Variants in MTCL1 observed in about 807,000 individuals in gnomAD.
The protein encoded by MTCL1 is microtubule crosslinking factor 1.
A neutral mutation model predicts 141.4 loss-of-function variants in MTCL1; 79 were observed. That is an observed-to-expected ratio of 0.56 (90% confidence interval 0.47 to 0.67). MTCL1 has a LOEUF of 0.67. MTCL1 is among the 30% of genes least tolerant of loss of function. The probability of loss-of-function intolerance (pLI) is 0.00; values close to 1 mark genes in which losing one functional copy is unlikely to be tolerated. For synonymous variants in MTCL1, 914 were observed against 875.8 expected (o/e 1.04, Z -0.77); for missense variants, 2,177 against 2,113.9 (o/e 1.03, Z -0.59).
At chr18:8,740,800 G>A (rs2096298658) in intron 4 of MTCL1, among the ~76,000 whole-genome samples, 1 of 152,158 alleles carries the variant, frequency 6.6e-6, no homozygotes, top group South Asian at 2.1e-4. Context: ...CTCAATTTTA[G>A]ATTACTCCTT....
exon 10 of MTCL1, chr18:8,798,156 G>C (rs1360901987): frequency 1.1e-5 from 17 of 1,595,948 alleles, no homozygotes; most frequent in African/African-American, 5.4e-5. Flanking sequence ...GGGGTCACCA[G>C]GCGGATGGCC....
chr18:8,729,082 C>T (rs1249612214), intron 4 of MTCL1, among the ~76,000 whole-genome samples: 1 of 151,762 alleles, frequency 6.6e-6, no homozygotes, highest in African/African-American at 2.4e-5. Flanking sequence ...GTCTTGCTGT[C>T]TCCCAGGCTG....
rs770336713 is a variant in MTCL1 at position 8,793,005 on chromosome 18, G to C, written c.1895G>C (p.Gly632Ala). 40 of 1,613,434 alleles carry C rather than the reference G, an allele frequency of 2.5e-5. 1 individual carries two copies. The Middle Eastern group carries it at 5.0e-4, about 20-fold the overall frequency. The change falls in exon 8 of 17, where the codon GGC becomes GCC. Residue 632 changes from glycine to alanine, a missense_variant. Transcript: ENST00000359865. ...CTTTATCCCACCGATCAGCTCAGGG[G>C]CCCCCCCGTTTTACCTGAGCAGAGT... is the stretch of plus-strand genomic sequence containing the variant.
In MTCL1 at chr18:8,829,068, C is replaced by CG; in HGVS notation, c.*18+106dup. The stretch of plus-strand genomic sequence containing the variant: ...CACCTGAGGGAGTTCTGCCCGGTGG[C>CG]GGTACCCTCGCTCACCCCAAGTTCC... On this transcript the variant is annotated intron_variant, in intron 16 of 16. Coordinates refer to ENST00000359865, the Ensembl canonical transcript of MTCL1. The CG allele has an allele frequency of 1.9e-6, 3 of 1,586,358 alleles. No homozygotes were observed. The East Asian group carries it at 6.8e-5, about 36-fold the overall frequency.
intron 4 of MTCL1, among the ~76,000 whole-genome samples, chr18:8,730,638 T>C (rs1598417917): frequency 6.6e-6 from 1 of 152,238 alleles, no homozygotes; most frequent in Admixed American, 6.5e-5. Context: ...GCTTGTCCCC[T>C]GTGCGCTGTA....
At chr18:8,764,626 C>T (rs571031232) in intron 4 of MTCL1, among the ~76,000 whole-genome samples, 11 of 152,204 alleles carry the variant, frequency 7.2e-5, no homozygotes, top group South Asian at 4.1e-4. Context: ...CCCCTGCCCC[C>T]GCCCCCCACT....
At chr18:8,711,827 C>T (rs1300060101) in intron 1 of MTCL1, among the ~76,000 whole-genome samples, 1 of 151,968 alleles carries the variant, frequency 6.6e-6, no homozygotes, top group Non-Finnish European at 1.5e-5. Flanking sequence ...AAATTTTCTC[C>T]CATGTTGTAG....
At chr18:8,740,995 CTG>C (rs930905784) in intron 4 of MTCL1, among the ~76,000 whole-genome samples, 8 of 152,224 alleles carry the variant, frequency 5.3e-5, no homozygotes, top group African/African-American at 1.7e-4. Context: ...ACCACAGACT[CTG>C]TGTTCTTTCC....
intron 4 of MTCL1, among the ~76,000 whole-genome samples, chr18:8,749,087 A>G (rs1238826487): frequency 6.6e-6 from 1 of 152,188 alleles, no homozygotes; most frequent in African/African-American, 2.4e-5. Flanking sequence ...GAGATATTTT[A>G]TTTGTTTGGC....
At chr18:8,758,600 T>C in intron 4 of MTCL1, among the ~76,000 whole-genome samples, 1 of 152,214 alleles carries the variant, frequency 6.6e-6, no homozygotes, top group East Asian at 1.9e-4. Flanking sequence ...CTCCAGAACT[T>C]GATAAATCTA....
At chr18:8,754,424 A>G (rs1426040860) in intron 4 of MTCL1, among the ~76,000 whole-genome samples, 1 of 152,262 alleles carries the variant, frequency 6.6e-6, no homozygotes, top group Non-Finnish European at 1.5e-5. Context: ...GTATAAGTGT[A>G]TAATACTCTA....
upstream of MTCL1, chr18:8,705,589 C>CGCCGCCGCCGCT: frequency 9.8e-7 from 1 of 1,018,202 alleles, no homozygotes. The surrounding 1 kb of genome is among the most constrained non-coding windows in gnomAD (Gnocchi z 5.2). Context: ...GGCTGCACGC[C>CGCCGCCGCCGCT]GCCGCCGCCG....
intron 4 of MTCL1, among the ~76,000 whole-genome samples, chr18:8,751,865 C>A (rs1337710631): frequency 1.3e-5 from 2 of 152,172 alleles, no homozygotes; most frequent in East Asian, 3.8e-4. Context: ...GACCTGCACA[C>A]GAGGTGTTGA....
Position 8,829,846 on chromosome 18 carries a change from G to C in MTCL1, c.*18+882G>C, listed in dbSNP as rs376407846. ...AGCGCAGCATCGTTTGCTTGTACAT[G>C]CCGGTGTGTTACTAAGGAAAAGGTT... On this transcript the variant is annotated intron_variant, in intron 16 of 16. Transcript: ENST00000359865. 3.3e-5 allele frequency: 33 copies of C among 985,260 alleles called. 1 individual carries two copies. In the East Asian group the frequency reaches 1.8e-3, roughly 54 times the overall value. 61.0% of individuals were successfully genotyped at this position (985,260 alleles called of 1,614,324 possible). A position where few individuals can be genotyped will look rare whatever the true frequency, so the allele number is the denominator to read the frequency against.
chr18:8,826,921 G>GT (rs1490354224), intron 15 of MTCL1, among the ~76,000 whole-genome samples: 6 of 152,222 alleles, frequency 3.9e-5, no homozygotes, highest in Non-Finnish European at 7.3e-5. Context: ...TCCACATGTG[G>GT]TGTTTTTGTA....
chr18:8,812,924 C>T lies in MTCL1; in HGVS notation c.2605-55C>T, dbSNP rs1184221503. 12 of 1,563,442 alleles carry T rather than the reference C, an allele frequency of 7.7e-6. No homozygotes were observed. In the Admixed American group the frequency reaches 1.8e-4, roughly 24 times the overall value. On this transcript the variant is annotated intron_variant, in intron 11 of 16. Coordinates refer to ENST00000359865, the Ensembl canonical transcript of MTCL1. ...ACATGTAAATGTGCTGAGACTTCAT[C>T]CTTGAATGCAAGACTTGTCAGAGAG...
intron 14 of MTCL1, 24 bp downstream of exon 13, chr18:8,821,522 T>C (rs766150443): frequency 1.2e-5 from 15 of 1,231,124 alleles, no homozygotes; most frequent in Middle Eastern, 3.9e-4. Flanking sequence ...ATGAAAATAA[T>C]AGATTACTAG....
intron 1 of MTCL1, chr18:8,717,822 TG>T (rs2096139607): frequency 1.2e-6 from 1 of 858,414 alleles, no homozygotes; most frequent in Non-Finnish European, 1.4e-6. Context: ...AGTGGAGGTG[TG>T]GGAAAGTCAG....
At chr18:8,767,211 C>T (rs575383742) in intron 4 of MTCL1, among the ~76,000 whole-genome samples, 1 of 152,190 alleles carries the variant, frequency 6.6e-6, no homozygotes, top group Admixed American at 6.5e-5. Flanking sequence ...GCTAGGGATC[C>T]TAGCTGCCAG....
Sources: gnomAD v4.1 joint callset for allele counts (sites outside exome capture counted in the v4.1 genomes callset) on GRCh38, gnomAD v4.1.1 for gene constraint, Gnocchi (gnomAD v3.1) non-coding constraint, MANE v1.5 for transcripts, NCBI Gene and HGNC (gene_info 2026-07-23, HGNC 2026-07-21) for gene names.